The following LRRN2 variants were observed in gnomAD, a reference collection of about 807,000 sequenced individuals.
The protein encoded by LRRN2 is leucine rich repeat neuronal 2.
In LRRN2, 10 loss-of-function variants were observed where a neutral mutation model predicts 35.7. That is an observed-to-expected ratio of 0.28 (90% CI 0.17 to 0.47). The LOEUF (loss-of-function observed/expected upper bound fraction) is 0.47, where lower values mean the gene tolerates loss of function less well. Ranked by LOEUF, LRRN2 falls within the 20% of genes least tolerant of loss-of-function variation. The pLI, the probability that LRRN2 is intolerant of heterozygous loss-of-function variation, is 0.99. For synonymous variants in LRRN2, 391 were observed against 409.6 expected, an observed-to-expected ratio of 0.95 and a Z score of 0.55; for missense variants, 731 against 940.3, an observed-to-expected ratio of 0.78 and a Z score of 2.91.
intron 1 of LRRN2, among the ~76,000 whole-genome samples, chr1:204,674,628 A>G (rs567941693): frequency 1.3e-4 from 20 of 152,250 alleles, no homozygotes; most frequent in Non-Finnish European, 2.5e-4. Context: ...ATGGGTGATA[A>G]ATGCTGCATA....
chr1:204,624,877 G>A (rs566888196), intron 1 of LRRN2, among the ~76,000 whole-genome samples: 58 of 152,188 alleles, frequency 3.8e-4, no homozygotes, highest in African/African-American at 1.2e-3. Flanking sequence ...AGAGATGGGC[G>A]GCATAATTGA....
intron 1 of LRRN2, among the ~76,000 whole-genome samples, chr1:204,683,718 T>G (rs34495399): frequency 1.2e-3 from 183 of 152,226 alleles, no homozygotes; most frequent in Middle Eastern, 6.8e-3. Context: ...TTCCATGCTT[T>G]GCAAATAATG....
At chr1:204,684,823 C>T (rs1669032143) in intron 1 of LRRN2, among the ~76,000 whole-genome samples, 1 of 152,184 alleles carries the variant, frequency 6.6e-6, no homozygotes. Context: ...GCCACCTTGT[C>T]CCTCCGCACA....
chr1:204,679,204 G>T (rs1668886507), intron 1 of LRRN2, among the ~76,000 whole-genome samples: 1 of 152,152 alleles, frequency 6.6e-6, no homozygotes, highest in African/African-American at 2.4e-5. Flanking sequence ...AGGGGAAGAG[G>T]AGTGGTGACA....
chr1:204,640,188 G>A (rs1008092634), intron 1 of LRRN2, among the ~76,000 whole-genome samples: 5 of 152,108 alleles, frequency 3.3e-5, no homozygotes, highest in Admixed American at 2.0e-4. Flanking sequence ...GTGAAGGCCC[G>A]CTTCCTGGTT....
At chr1:204,648,035 G>A (rs1490599299) in intron 1 of LRRN2, among the ~76,000 whole-genome samples, 3 of 152,162 alleles carry the variant, frequency 2.0e-5, no homozygotes, top group Admixed American at 6.5e-5. Flanking sequence ...CTGACAGACT[G>A]TGGATTAGAA....
chr1:204,640,623 C>G (rs1343768016), intron 1 of LRRN2, among the ~76,000 whole-genome samples: 2 of 152,112 alleles, frequency 1.3e-5, no homozygotes, highest in Non-Finnish European at 2.9e-5. Context: ...TCTTCTCTAC[C>G]CCTTCCCCAT....
At chr1:204,637,547 A>T (rs977140687) in intron 1 of LRRN2, among the ~76,000 whole-genome samples, 1 of 152,222 alleles carries the variant, frequency 6.6e-6, no homozygotes, top group Non-Finnish European at 1.5e-5. Flanking sequence ...TGCTCTGTGC[A>T]GATGCCCCTG....
At chr1:204,683,313 C>A (rs1668993195) in intron 1 of LRRN2, among the ~76,000 whole-genome samples, 1 of 151,934 alleles carries the variant, frequency 6.6e-6, no homozygotes. Context: ...ACAGGAGAAG[C>A]AGGGCAAAGT....
At chr1:204,625,657 C>T (rs572172027) in intron 1 of LRRN2, among the ~76,000 whole-genome samples, 10 of 152,284 alleles carry the variant, frequency 6.6e-5, no homozygotes, top group African/African-American at 2.4e-4. Context: ...CGACTTCTAT[C>T]GCCGCCAAGC....
At chr1:204,675,967 A>G (rs1668815302) in intron 1 of LRRN2, among the ~76,000 whole-genome samples, 1 of 152,154 alleles carries the variant, frequency 6.6e-6, no homozygotes, top group Admixed American at 6.5e-5. Flanking sequence ...GTGCAGAGAG[A>G]TGGGTCTCTA....
intron 1 of LRRN2, among the ~76,000 whole-genome samples, chr1:204,631,876 G>A (rs958396454): frequency 1.3e-5 from 2 of 152,128 alleles, no homozygotes; most frequent in African/African-American, 2.4e-5. Context: ...GCAAGCCAGA[G>A]GCAGAATGGT....
chr1:204,654,960 C>T (rs1185149958), intron 1 of LRRN2, among the ~76,000 whole-genome samples: 1 of 152,214 alleles, frequency 6.6e-6, no homozygotes, highest in Non-Finnish European at 1.5e-5. Flanking sequence ...CTCAAGTAGG[C>T]CCCAGGAGGT....
At chr1:204,623,090 A>C (rs910497927) in intron 1 of LRRN2, among the ~76,000 whole-genome samples, 3 of 152,022 alleles carry the variant, frequency 2.0e-5, no homozygotes, top group African/African-American at 7.3e-5. Flanking sequence ...CTAGTTGGGG[A>C]GGCAGGTTCA....
At chr1:204,674,827 A>G (rs931454085) in intron 1 of LRRN2, among the ~76,000 whole-genome samples, 1 of 152,228 alleles carries the variant, frequency 6.6e-6, no homozygotes, top group Admixed American at 6.5e-5. Context: ...AGGCCCAGGA[A>G]GGGGCTGAGG....
At position 204,619,652 on chromosome 1, in the gene LRRN2, T is replaced by G; in HGVS notation, c.341A>C (p.His114Pro). Residue 114 changes from histidine (H) to proline (P), a missense_variant, in exon 2 of 2, where the codon CAT (histidine) becomes CCT (proline). Physicochemically the swap from His to Pro is moderately conservative, Grantham distance 77. Transcript: ENST00000367177. ...CAGGCTCAGCAGCTGGGGCAGGGCA[T>G]GGAAATCACAGTCTCGGGCATCCGA... ...SFSDARDCDF[H>P]ALPQLLSLHL... is the part of the protein sequence containing the mutation. The G allele has an allele frequency of 6.2e-7, 1 of 1,614,118 alleles. No homozygotes were observed. Among genetic ancestry groups the G allele is most frequent in the Non-Finnish European group, 8.5e-7 (1 of 1,180,032 alleles).
At chr1:204,626,329 C>A (rs971174755) in intron 1 of LRRN2, among the ~76,000 whole-genome samples, 1 of 152,116 alleles carries the variant, frequency 6.6e-6, no homozygotes, top group Admixed American at 6.5e-5. Flanking sequence ...CTGGCCTTGT[C>A]CTGTACGGTG....
intron 1 of LRRN2, among the ~76,000 whole-genome samples, chr1:204,656,543 A>C (rs923434156): frequency 6.6e-6 from 1 of 152,184 alleles, no homozygotes; most frequent in African/African-American, 2.4e-5. Flanking sequence ...CTTTTGAAAA[A>C]GAGCTAAGTT....
chr1:204,685,357 G>T lies in LRRN2; in HGVS notation c.-264C>A, dbSNP rs976642675. Reference sequence around the variant, plus strand: ...GGGCACCGTCTGCCGTCTGCTGCCCGCGCGGCCGCGCTCCGCTCGCCTTCC... The same window carrying T: ...GGGCACCGTCTGCCGTCTGCTGCCCTCGCGGCCGCGCTCCGCTCGCCTTCC... On this transcript the variant is annotated 5_prime_UTR_variant, in exon 1 of 2. Transcript: ENST00000367177. 16 of 151,580 alleles carry T rather than the reference G, an allele frequency of 1.1e-4. No individual in the cohort carries two copies. The highest frequency in any genetic ancestry group is 3.3e-4 in the Admixed American group (5 of 15,196). The allele number at this position is 151,580 out of a possible 1,614,324, so 9.4% of individuals were successfully genotyped here. A position where few individuals can be genotyped will look rare whatever the true frequency, so the allele number is the denominator to read the frequency against.
Sources: gnomAD v4.1 joint callset for allele counts (sites outside exome capture counted in the v4.1 genomes callset) on GRCh38, gnomAD v4.1.1 for gene constraint, MANE v1.5 for transcripts, NCBI Gene and HGNC (gene_info 2026-07-23, HGNC 2026-07-21) for gene names.